IL1RAPL1: variants seen among roughly 807,000 people sequenced by gnomAD.
IL1RAPL1 encodes interleukin-1 receptor accessory protein-like 1.
A neutral mutation model predicts 48.4 loss-of-function variants in IL1RAPL1; 3 were observed. That is an observed-to-expected ratio of 0.06 (90% CI 0.03 to 0.16). IL1RAPL1 has a LOEUF of 0.16. Ranked by LOEUF, IL1RAPL1 falls within the 10% of genes least tolerant of loss-of-function variation. The pLI, the probability that IL1RAPL1 is intolerant of heterozygous loss-of-function variation, is 1.00. For synonymous variants in IL1RAPL1, 185 were observed against 187.7 expected, an observed-to-expected ratio of 0.99 and a Z score of 0.12; for missense variants, 349 against 530.6, an observed-to-expected ratio of 0.66 and a Z score of 3.36.
At chrX:29,602,815 A>G (rs187561390) in intron 5 of IL1RAPL1, among the ~76,000 whole-genome samples, 3 of 112,907 alleles carry the variant, frequency 2.7e-5, no homozygotes, top group Non-Finnish European at 5.6e-5. Context: ...GTTACTATTG[A>G]TGAGTTTCAT....
At chrX:29,632,152 CTTT>C (rs1268652852) in intron 5 of IL1RAPL1, among the ~76,000 whole-genome samples, 2 of 102,169 alleles carry the variant, frequency 2.0e-5, no homozygotes, top group Admixed American at 1.1e-4. Context: ...TTGGTTGTAA[CTTT>C]TTTTTTTTTT....
intron 2 of IL1RAPL1, among the ~76,000 whole-genome samples, chrX:28,793,120 T>C (rs1936573084): frequency 9.3e-6 from 1 of 108,054 alleles, no homozygotes; most frequent in Non-Finnish European, 1.9e-5. Flanking sequence ...TTTTTATAAG[T>C]AGCACTTGAT....
intron 2 of IL1RAPL1, among the ~76,000 whole-genome samples, chrX:29,082,958 T>C (rs1233931624): frequency 1.8e-5 from 2 of 111,990 alleles, no homozygotes; most frequent in Non-Finnish European, 3.8e-5. Flanking sequence ...ATATATTTCT[T>C]TTAAAAGTTA....
chrX:29,196,833 A>T (rs760759273), intron 2 of IL1RAPL1, among the ~76,000 whole-genome samples: 20 of 110,454 alleles, frequency 1.8e-4, no homozygotes, highest in Non-Finnish European at 3.4e-4. Flanking sequence ...ATGATGCTGC[A>T]TGGTATTACA....
intron 2 of IL1RAPL1, among the ~76,000 whole-genome samples, chrX:29,236,645 T>C (rs1477653785): frequency 3.3e-5 from 2 of 60,765 alleles, no homozygotes; most frequent in Admixed American, 1.8e-4. Context: ...CTCCGCCTCC[T>C]GGGTTCACAC....
At chrX:29,762,824 G>A (rs1374310964) in intron 6 of IL1RAPL1, among the ~76,000 whole-genome samples, 2 of 111,134 alleles carry the variant, frequency 1.8e-5, no homozygotes, top group African/African-American at 6.5e-5. Context: ...CTATCCTGTC[G>A]TTTTGAATAT....
intron 5 of IL1RAPL1, among the ~76,000 whole-genome samples, chrX:29,652,037 C>T (rs1925534542): frequency 9.0e-6 from 1 of 111,406 alleles, no homozygotes. Flanking sequence ...TCTCATTAGC[C>T]ATCAAAAATT....
chrX:29,342,040 C>G (rs1933085139), intron 3 of IL1RAPL1, among the ~76,000 whole-genome samples: 1 of 109,935 alleles, frequency 9.1e-6, no homozygotes, highest in Non-Finnish European at 1.9e-5. Context: ...AACTCCTGAC[C>G]TCGTGATCCA....
intron 2 of IL1RAPL1, among the ~76,000 whole-genome samples, chrX:29,256,228 T>A (rs1432456411): frequency 9.0e-6 from 1 of 111,651 alleles, no homozygotes; most frequent in African/African-American, 3.3e-5. Flanking sequence ...AAAAGCTTCC[T>A]ACATCTTCCT....
At chrX:29,294,584 A>G (rs748973495) in intron 3 of IL1RAPL1, among the ~76,000 whole-genome samples, 2 of 110,829 alleles carry the variant, frequency 1.8e-5, no homozygotes, top group Non-Finnish European at 3.8e-5. Flanking sequence ...TCTCTATTAC[A>G]ACTACTCAAC....
At chrX:29,143,753 A>G (rs1929291220) in intron 2 of IL1RAPL1, among the ~76,000 whole-genome samples, 1 of 112,312 alleles carries the variant, frequency 8.9e-6, no homozygotes, top group Admixed American at 9.5e-5. Flanking sequence ...CGTTGTTAAT[A>G]TCTTACTGTG....
intron 5 of IL1RAPL1, among the ~76,000 whole-genome samples, chrX:29,562,697 A>AATTTGCTGTTTT (rs1355725366): frequency 4.6e-4 from 52 of 112,134 alleles, no homozygotes; most frequent in African/African-American, 1.4e-3. Context: ...TTTGCAAATT[A>AATTTGCTGTTTT]GAGAGTTAAA....
intron 3 of IL1RAPL1, among the ~76,000 whole-genome samples, chrX:29,391,776 T>C (rs563516641): frequency 8.0e-5 from 9 of 111,965 alleles, no homozygotes; most frequent in African/African-American, 2.6e-4. Flanking sequence ...ATAGCGTCTA[T>C]GTGTGCTAAC....
intron 2 of IL1RAPL1, among the ~76,000 whole-genome samples, chrX:28,800,599 G>A (rs927255235): frequency 3.6e-5 from 4 of 111,028 alleles, no homozygotes; most frequent in Non-Finnish European, 7.5e-5. Flanking sequence ...GCTAAGGGAG[G>A]AAGAAAGAGA....
chrX:29,027,840 T>C (rs1373854270), intron 2 of IL1RAPL1, among the ~76,000 whole-genome samples: 1 of 111,584 alleles, frequency 9.0e-6, no homozygotes, highest in African/African-American at 3.3e-5. Flanking sequence ...ATATCTTCTT[T>C]GGTAACATGT....
At chrX:29,688,317 C>G (rs1039523861) in intron 6 of IL1RAPL1, among the ~76,000 whole-genome samples, 1 of 110,889 alleles carries the variant, frequency 9.0e-6, no homozygotes, top group Admixed American at 9.6e-5. Context: ...ATTTGTCTTG[C>G]GGCCGCACCA....
intron 3 of IL1RAPL1, among the ~76,000 whole-genome samples, chrX:29,315,781 A>G (rs1433474357): frequency 8.9e-6 from 1 of 112,008 alleles, no homozygotes; most frequent in Non-Finnish European, 1.9e-5. Flanking sequence ...CTTGCTTTCT[A>G]TGAAGAAAAG....
rs58166479 is a variant in IL1RAPL1, at chrX:29,637,281, C to CATATAT, written c.704-31135_704-31130dup. 7.0e-3 allele frequency among the ~76,000 whole-genome samples: 696 copies of CATATAT among 98,871 alleles called. 5 individuals are homozygous for CATATAT. Among genetic ancestry groups the CATATAT allele is most frequent in the African/African-American group, 0.024 (647 of 27,348 alleles). The allele number at this position is 98,871 out of a possible 115,157, so 85.9% of individuals were successfully genotyped here. A position where few individuals can be genotyped will look rare whatever the true frequency, so the allele number is the denominator to read the frequency against. ...TATATCTCTTATGTTATATATATAA[C>CATATAT]ATATATATATATATATATACACATC... On this transcript the variant is annotated intron_variant, in intron 5 of 10. Coordinates refer to ENST00000378993, the MANE Select transcript of IL1RAPL1 (RefSeq NM_014271.4).
At chrX:28,605,420 C>T (rs998976373) in intron 1 of IL1RAPL1, among the ~76,000 whole-genome samples, 2 of 111,652 alleles carry the variant, frequency 1.8e-5, no homozygotes, top group Non-Finnish European at 3.8e-5. Context: ...CATCATTTCT[C>T]TCCCTCTCTC....
Sources: gnomAD v4.1 joint callset for allele counts (sites outside exome capture counted in the v4.1 genomes callset) on GRCh38, gnomAD v4.1.1 for gene constraint, MANE v1.5 for transcripts, NCBI Gene and HGNC (gene_info 2026-07-23, HGNC 2026-07-21) for gene names.